The following PAPPA variants were observed in gnomAD, a reference collection of about 807,000 sequenced individuals.
PAPPA encodes the protein pappalysin-1.
In PAPPA, 60 loss-of-function variants were observed where a neutral mutation model predicts 164.0. The observed-to-expected ratio is 0.37, with a 90% CI of 0.30 to 0.45. PAPPA has a LOEUF of 0.45. Ranked by LOEUF, PAPPA falls within the 20% of genes least tolerant of loss-of-function variation. The pLI, the probability that PAPPA is intolerant of heterozygous loss-of-function variation, is 1.00. For missense variants in PAPPA, 1,782 were observed against 2,087.3 expected, an observed-to-expected ratio of 0.85 and a Z score of 2.85; for synonymous variants, 875 against 814.1, an observed-to-expected ratio of 1.07 and a Z score of -1.27.
At chr9:116,307,876 A>G (rs1691837293) in intron 10 of PAPPA, among the ~76,000 whole-genome samples, 1 of 152,140 alleles carries the variant, frequency 6.6e-6, no homozygotes, top group African/African-American at 2.4e-5. Flanking sequence ...GAATGATAAC[A>G]TCTACCTGGT....
In PAPPA at chr9:116,227,500, C is replaced by T; in HGVS notation, c.2181C>T (p.Ser727=). Residue 727 remains serine, a synonymous_variant, in exon 6 of 22, where the codon TCC becomes TCT. Transcript: ENST00000328252. ...TGGTGCAGTATGCTTCCAACGCTTCCTCCCCAATGCCCTGCAGCCCATCAG... is the reference window on the plus strand; with the variant it reads ...TGGTGCAGTATGCTTCCAACGCTTCTTCCCCAATGCCCTGCAGCCCATCAG... The part of the protein sequence containing the change: ...RILVQYASNA[S]SPMPCSPSGH... The T allele has an allele frequency of 6.2e-7, 1 of 1,614,108 alleles. No individual in the cohort carries two copies. Among genetic ancestry groups the T allele is most frequent in the African/African-American group, 1.3e-5 (1 of 75,030 alleles).
intron 10 of PAPPA, among the ~76,000 whole-genome samples, chr9:116,323,406 CTA>C (rs1845884095): frequency 1.3e-5 from 2 of 152,146 alleles, no homozygotes; most frequent in South Asian, 4.1e-4. Flanking sequence ...CTCCACCGGG[CTA>C]TGTTTCTCCA....
chr9:116,313,175 A>C (rs1845744687), intron 10 of PAPPA, among the ~76,000 whole-genome samples: 1 of 151,948 alleles, frequency 6.6e-6, no homozygotes, highest in Non-Finnish European at 1.5e-5. Context: ...CACCCTGGGT[A>C]CATTTGTACA....
At chr9:116,251,200 G>A (rs766472043) in intron 7 of PAPPA, among the ~76,000 whole-genome samples, 1 of 152,136 alleles carries the variant, frequency 6.6e-6, no homozygotes, top group Non-Finnish European at 1.5e-5. Context: ...ACAAAATAGC[G>A]TTTTGATGAG....
chr9:116,168,816 C>T (rs572856413), intron 1 of PAPPA, among the ~76,000 whole-genome samples: 1 of 152,164 alleles, frequency 6.6e-6, no homozygotes, highest in Non-Finnish European at 1.5e-5. Context: ...TATCTTCCCT[C>T]CTCATAGCAT....
At chr9:116,244,758 A>AC (rs1554742867) in intron 7 of PAPPA, among the ~76,000 whole-genome samples, 1 of 152,140 alleles carries the variant, frequency 6.6e-6, no homozygotes, top group Non-Finnish European at 1.5e-5. Context: ...GAGCATGGAG[A>AC]TTTTTCAAAG....
Position 116,247,037 on chromosome 9 carries a change from AAG to A in PAPPA, c.2732+11410_2732+11411del, listed in dbSNP as rs1365158374. On this transcript the variant is annotated intron_variant, in intron 7 of 21. Coordinates refer to ENST00000328252, the MANE Select transcript of PAPPA (RefSeq NM_002581.5). ...AGACCCTGTCTCCAAGAATAAAAAA[AAG>A]AGAGAGAGAAAATAAATGTTGTTAC... 2.6e-5 allele frequency among the ~76,000 whole-genome samples: 4 copies of A among 152,228 alleles called. No homozygotes were observed. In the East Asian group the frequency reaches 7.7e-4, roughly 29 times the overall value.
At chr9:116,228,059 A>G (rs1844537392) in intron 6 of PAPPA, among the ~76,000 whole-genome samples, 1 of 152,228 alleles carries the variant, frequency 6.6e-6, no homozygotes, top group Non-Finnish European at 1.5e-5. Flanking sequence ...TGTAAGACAC[A>G]TAAAGGAAGT....
intron 9 of PAPPA, among the ~76,000 whole-genome samples, chr9:116,285,167 C>CTTTTTTT (rs1177249949): frequency 1.1e-5 from 1 of 90,098 alleles, no homozygotes. Flanking sequence ...TCTTTTCTTT[C>CTTTTTTT]TTTCTTTTTT....
chr9:116,213,681 C>A (rs1844337234), intron 4 of PAPPA, among the ~76,000 whole-genome samples: 1 of 152,030 alleles, frequency 6.6e-6, no homozygotes, highest in Admixed American at 6.6e-5. Flanking sequence ...TTTTTTTCCC[C>A]TTTGTACAGA....
chr9:116,325,017 A>C (rs1214199649), intron 10 of PAPPA, among the ~76,000 whole-genome samples: 1 of 152,200 alleles, frequency 6.6e-6, no homozygotes, highest in East Asian at 1.9e-4. Flanking sequence ...TTGGAAAGTT[A>C]ATTATGGGGA....
rs772326701 is a variant in PAPPA, at chr9:116,187,311, C to T, written c.573C>T (p.Tyr191=). Reference sequence around the variant, plus strand: ...CCACCATCAATGCCCACCGCAGCTACCTCCCAGGCCAGTGGGTATACCTAG... The same window carrying T: ...CCACCATCAATGCCCACCGCAGCTATCTCCCAGGCCAGTGGGTATACCTAG... ...QVTTINAHRS[Y]LPGQWVYLAA... Residue 191 remains tyrosine (Y), a synonymous_variant, in exon 2 of 22, where the codon TAC becomes TAT. Transcript: ENST00000328252. The surrounding 1 kb of genome is among the most constrained non-coding windows in gnomAD (Gnocchi z 4.2). The T allele has an allele frequency of 6.2e-7, 1 of 1,614,190 alleles. No homozygotes were observed. Among genetic ancestry groups the T allele is most frequent in the Non-Finnish European group, 8.5e-7 (1 of 1,180,034 alleles).
chr9:116,212,660 C>T (rs1291030326), intron 4 of PAPPA, among the ~76,000 whole-genome samples: 6 of 152,096 alleles, frequency 3.9e-5, no homozygotes, highest in Non-Finnish European at 8.8e-5. Context: ...GCATCTAATA[C>T]ATCACTCTAT....
Position 116,361,569 on chromosome 9 carries a change from T to A in PAPPA, c.4348-1023T>A, listed in dbSNP as rs1221651278. On this transcript the variant is annotated intron_variant, in intron 17 of 21. Coordinates refer to ENST00000328252, the MANE Select transcript of PAPPA (RefSeq NM_002581.5). ...CTTCTGTTCCTTTTCTGCCTGCAATTCCATGCATCCTTGAAAACCCTTTTC... is the reference window on the plus strand; with the variant it reads ...CTTCTGTTCCTTTTCTGCCTGCAATACCATGCATCCTTGAAAACCCTTTTC... Among the ~76,000 whole-genome samples, 3 of 152,302 alleles carry A rather than the reference T, an allele frequency of 2.0e-5. No individual in the cohort carries two copies. The East Asian group carries it at 5.8e-4, about 29-fold the overall frequency.
chr9:116,157,156 T>A (rs958608372), intron 1 of PAPPA, among the ~76,000 whole-genome samples: 3 of 152,160 alleles, frequency 2.0e-5, no homozygotes, highest in Non-Finnish European at 4.4e-5. Flanking sequence ...AAGGTCTAAT[T>A]TTACGGTGCT....
At chr9:116,272,771 T>C (rs919141291) in intron 9 of PAPPA, among the ~76,000 whole-genome samples, 1 of 152,170 alleles carries the variant, frequency 6.6e-6, no homozygotes, top group Non-Finnish European at 1.5e-5. Context: ...GATATTAGCC[T>C]AGTGATGTGG....
chr9:116,247,055 ATGT>A (rs756862206), intron 7 of PAPPA, among the ~76,000 whole-genome samples: 9 of 152,042 alleles, frequency 5.9e-5, no homozygotes, highest in Non-Finnish European at 1.2e-4. Context: ...GAGAAAATAA[ATGT>A]TGTTACCTTG....
At chr9:116,256,852 A>G (rs1257145209) in intron 7 of PAPPA, among the ~76,000 whole-genome samples, 2 of 152,010 alleles carry the variant, frequency 1.3e-5, no homozygotes, top group Non-Finnish European at 2.9e-5. Context: ...TTGAGCTGAT[A>G]AAAATGTATA....
rs1843992234 is a variant in PAPPA, at chr9:116,187,748, T to C, written c.1010T>C (p.Val337Ala). ...CAGACATTGTGTGACAACACAGAGG[T>C]CATTGCCAGCTACAATCAGCTCTCA... ...CGQTLCDNTE[V>A]IASYNQLSSF... The change falls in exon 2 of 22, where the codon GTC (valine) becomes GCC (alanine). Residue 337 changes from valine to alanine, a missense_variant. This residue lies in a region of PAPPA where 1,324 missense variants were observed against 1,656.9 expected (regional missense o/e 0.80). Transcript: ENST00000328252. The surrounding 1 kb of genome is among the most constrained non-coding windows in gnomAD (Gnocchi z 4.2). The C allele has an allele frequency of 1.2e-6, 2 of 1,614,042 alleles. No homozygotes were observed. The highest frequency in any genetic ancestry group is 3.3e-5 in the Admixed American group (2 of 60,002).
Sources: gnomAD v4.1 joint callset for allele counts (sites outside exome capture counted in the v4.1 genomes callset) on GRCh38, gnomAD v4.1.1 for gene constraint, gnomAD v4.1.1 regional missense constraint, Gnocchi (gnomAD v3.1) non-coding constraint, MANE v1.5 for transcripts, NCBI Gene and HGNC (gene_info 2026-07-23, HGNC 2026-07-21) for gene names.